RAP1GAP2: variants seen among roughly 807,000 people sequenced by gnomAD.
The protein encoded by RAP1GAP2 is RAP1 GTPase activating protein 2.
Under a neutral mutation model 95.0 loss-of-function variants are expected in RAP1GAP2, and 27 were observed. The ratio of observed to expected loss-of-function variants is 0.28; its 90% CI spans 0.21 to 0.39. The LOEUF (loss-of-function observed/expected upper bound fraction) is 0.39, where lower values mean the gene tolerates loss of function less well. Ranked by LOEUF, RAP1GAP2 falls within the 10% of genes least tolerant of loss-of-function variation. RAP1GAP2 has a pLI of 1.00. For missense variants in RAP1GAP2, 771 were observed against 970.0 expected, an observed-to-expected ratio of 0.79 and a Z score of 2.72; for synonymous variants, 373 against 380.9, an observed-to-expected ratio of 0.98 and a Z score of 0.24.
chr17:2,894,172 A>G (rs143249474), intron 2 of RAP1GAP2, among the ~76,000 whole-genome samples: 5,201 of 149,378 alleles, frequency 0.035, 282 homozygotes, highest in African/African-American at 0.12. Context: ...CTGCAATCCC[A>G]GCACCCAGCA....
At chr17:2,929,854 GCCC>G (rs947888957) in intron 3 of RAP1GAP2, among the ~76,000 whole-genome samples, 5 of 152,092 alleles carry the variant, frequency 3.3e-5, no homozygotes, top group Non-Finnish European at 7.4e-5. Flanking sequence ...TGTAGGTTCA[GCCC>G]AGATCACCAG....
chr17:2,957,873 G>A (rs1417539607), intron 4 of RAP1GAP2, 79 bp downstream of exon 4: 7 of 1,389,358 alleles, frequency 5.0e-6, no homozygotes, highest in Non-Finnish European at 6.8e-6. Flanking sequence ...CAGAACCCAC[G>A]GGCAGAAGCC....
intron 2 of RAP1GAP2, among the ~76,000 whole-genome samples, chr17:2,826,920 C>T (rs1032091597): frequency 1.3e-5 from 2 of 152,174 alleles, no homozygotes; most frequent in Non-Finnish European, 2.9e-5. Context: ...ACAAGAGAAT[C>T]GCTTGAACCT....
At chr17:2,962,094 G>T (rs2044360412) in intron 4 of RAP1GAP2, among the ~76,000 whole-genome samples, 2 of 151,972 alleles carry the variant, frequency 1.3e-5, no homozygotes, top group Admixed American at 6.6e-5. Context: ...TAGAGACAGG[G>T]TTTCTCCATG....
chr17:2,898,594 G>A (rs1455141293), intron 2 of RAP1GAP2, among the ~76,000 whole-genome samples: 3 of 152,186 alleles, frequency 2.0e-5, no homozygotes, highest in Non-Finnish European at 2.9e-5. Flanking sequence ...CTGGGCTCCC[G>A]TGTCCCTGTC....
At chr17:2,792,365 T>A (rs930548858), upstream of RAP1GAP2, among the ~76,000 whole-genome samples, 1 of 152,312 alleles carries the variant, frequency 6.6e-6, no homozygotes, top group African/African-American at 2.4e-5. Context: ...TTCTGTTTGC[T>A]GATAAACTCG....
At chr17:2,863,821 C>T (rs528449191) in intron 2 of RAP1GAP2, among the ~76,000 whole-genome samples, 13 of 152,088 alleles carry the variant, frequency 8.5e-5, no homozygotes, top group Non-Finnish European at 1.9e-4. Context: ...CCTTGGGAGG[C>T]CAAGGCAGGC....
chr17:2,990,709 C>G (rs1306169347), intron 11 of RAP1GAP2, among the ~76,000 whole-genome samples: 2 of 152,146 alleles, frequency 1.3e-5, no homozygotes, highest in Non-Finnish European at 2.9e-5. Context: ...TGTGATGGTT[C>G]TGATTTCTCC....
chr17:2,856,226 G>A (rs185381722), intron 2 of RAP1GAP2, among the ~76,000 whole-genome samples: 17 of 152,290 alleles, frequency 1.1e-4, no homozygotes, highest in Admixed American at 7.2e-4. Context: ...AGGCAGATGC[G>A]TGGGACCAAT....
intron 2 of RAP1GAP2, among the ~76,000 whole-genome samples, chr17:2,873,956 G>T (rs1039860764): frequency 2.7e-5 from 4 of 147,888 alleles, no homozygotes; most frequent in Admixed American, 6.8e-5. Flanking sequence ...GAGACGCGGT[G>T]GGGGGGGGCG....
intron 8 of RAP1GAP2, among the ~76,000 whole-genome samples, chr17:2,968,298 A>G (rs185174784): frequency 6.6e-6 from 1 of 152,234 alleles, no homozygotes; most frequent in East Asian, 1.9e-4. Flanking sequence ...AGCAGAATCT[A>G]CTTTGTAGAA....
At chr17:2,898,233 C>T (rs1277808761) in intron 2 of RAP1GAP2, among the ~76,000 whole-genome samples, 1 of 152,118 alleles carries the variant, frequency 6.6e-6, no homozygotes, top group Non-Finnish European at 1.5e-5. Context: ...TTTGAATCAC[C>T]AAAGGTCTAG....
At chr17:2,872,490 G>T (rs1319204936) in intron 2 of RAP1GAP2, among the ~76,000 whole-genome samples, 1 of 152,096 alleles carries the variant, frequency 6.6e-6, no homozygotes, top group Non-Finnish European at 1.5e-5. Context: ...GTTCTTGGTG[G>T]TATTGGCTGC....
intron 3 of RAP1GAP2, among the ~76,000 whole-genome samples, chr17:2,919,127 T>G (rs982764723): frequency 7.2e-5 from 11 of 152,132 alleles, no homozygotes; most frequent in African/African-American, 2.7e-4. Flanking sequence ...TTTGTGTGAG[T>G]GGCCTTCCAA....
At chr17:2,885,160 A>G (rs958208878) in intron 2 of RAP1GAP2, among the ~76,000 whole-genome samples, 2 of 144,338 alleles carry the variant, frequency 1.4e-5, no homozygotes, top group Non-Finnish European at 3.0e-5. Context: ...CAGCCTCCCC[A>G]GTAGTTGGAT....
At chr17:2,967,162 A>T (rs183471654) in intron 8 of RAP1GAP2, among the ~76,000 whole-genome samples, 5 of 152,092 alleles carry the variant, frequency 3.3e-5, no homozygotes, top group African/African-American at 9.6e-5. Flanking sequence ...AGGTCAGGAG[A>T]TCGAGACCAT....
intron 1 of RAP1GAP2, among the ~76,000 whole-genome samples, chr17:2,762,204 A>G (rs1263129501): frequency 1.3e-4 from 19 of 150,604 alleles, no homozygotes; most frequent in Middle Eastern, 6.8e-3. Flanking sequence ...AGCCAGGATG[A>G]TCTCGATCTC....
intron 8 of RAP1GAP2, among the ~76,000 whole-genome samples, chr17:2,975,588 C>T (rs1020940698): frequency 1.7e-4 from 26 of 152,222 alleles, no homozygotes; most frequent in African/African-American, 3.9e-4. Flanking sequence ...GTGTAACACC[C>T]GGGCTCTCTT....
Position 2,937,059 on chromosome 17 carries a change from G to C in RAP1GAP2, c.166-20700G>C, listed in dbSNP as rs114403598. Among the ~76,000 whole-genome samples, 791 of 152,326 alleles carry C rather than the reference G, an allele frequency of 5.2e-3. 8 individuals are homozygous for C. The highest frequency in any genetic ancestry group is 0.018 in the African/African-American group (742 of 41,564). On this transcript the variant is annotated intron_variant, in intron 3 of 24. Transcript: ENST00000254695. ...AGCTGAGAGTTAAAGTGGTTGGATA[G>C]GGCATGTGTAGGACGGGAGTACCAC...
Sources: allele counts gnomAD v4.1 joint callset (sites outside exome capture counted in the v4.1 genomes callset), GRCh38; gene constraint gnomAD v4.1.1; transcripts MANE v1.5; gene names NCBI Gene and HGNC (gene_info 2026-07-23, HGNC 2026-07-21).